Variants in PCDH7 observed in about 807,000 individuals in gnomAD.
PCDH7 encodes the protein protocadherin 7, also known as protocadherin-7.
In PCDH7, 17 loss-of-function variants were observed where a neutral mutation model predicts 58.9. The observed-to-expected ratio is 0.29, with a 90% CI of 0.20 to 0.43. The LOEUF is 0.43. Among genes scored for constraint, PCDH7 ranks in the 20% least tolerant of loss-of-function variants. PCDH7 has a pLI of 1.00. For synonymous variants in PCDH7, 664 were observed against 616.4 expected (o/e 1.08, Z -1.14); for missense variants, 1,274 against 1,441.0 (o/e 0.88, Z 1.88).
At chr4:31,066,691 A>T (rs1042055696) in intron 3 of PCDH7, among the ~76,000 whole-genome samples, 6 of 151,872 alleles carry the variant, frequency 4.0e-5, no homozygotes, top group Admixed American at 1.3e-4. Flanking sequence ...GGTTTAATAT[A>T]TTTTGGTCAT....
intron 1 of PCDH7, among the ~76,000 whole-genome samples, chr4:30,782,127 T>A (rs1222835365): frequency 1.3e-5 from 2 of 152,172 alleles, no homozygotes; most frequent in East Asian, 1.9e-4. Flanking sequence ...ATAATCATGA[T>A]AGAGTATGAT....
At chr4:30,914,260 G>T (rs1311009738) in intron 1 of PCDH7, among the ~76,000 whole-genome samples, 2 of 152,200 alleles carry the variant, frequency 1.3e-5, no homozygotes, top group Non-Finnish European at 2.9e-5. Flanking sequence ...GAGAATGATG[G>T]TACGTACAAT....
intron 1 of PCDH7, among the ~76,000 whole-genome samples, chr4:30,856,707 A>T (rs2871475): frequency 0.44 from 61,833 of 142,098 alleles, 13,718 homozygotes; most frequent in African/African-American, 0.56. Context: ...AAAAAAAAAA[A>T]ATATATATAT....
At chr4:30,887,059 A>G (rs1255798852) in intron 1 of PCDH7, among the ~76,000 whole-genome samples, 1 of 151,166 alleles carries the variant, frequency 6.6e-6, no homozygotes, top group Non-Finnish European at 1.5e-5. Context: ...GCAGCGCACC[A>G]GCATGGCACA....
rs772140100 is a variant in PCDH7, at chr4:30,722,295, G to A, written c.873G>A (p.Gln291=). The change falls in exon 1 of 2, where the codon CAG becomes CAA. Residue 291 remains glutamine, a synonymous_variant. Transcript: ENST00000361762. The surrounding 1 kb of genome is among the most constrained non-coding windows in gnomAD (Gnocchi z 7.6). ...GCGGCGACCCGCCTCGCTCCTCGCA[G>A]GCCATCCTACGGGTCCTCATCACCG... 1.0e-5 allele frequency: 16 copies of A among 1,606,346 alleles called. No homozygotes were observed. Among genetic ancestry groups the A allele is most frequent in the Non-Finnish European group, 1.4e-5 (16 of 1,177,494 alleles).
intron 3 of PCDH7, among the ~76,000 whole-genome samples, chr4:31,137,763 T>A (rs2109343958): frequency 6.6e-6 from 1 of 152,306 alleles, no homozygotes; most frequent in East Asian, 1.9e-4. Context: ...TTATCTCACA[T>A]GGCCAGCAAA....
intron 3 of PCDH7, among the ~76,000 whole-genome samples, chr4:31,090,187 A>T (rs1425037758): frequency 6.6e-6 from 1 of 151,992 alleles, no homozygotes; most frequent in East Asian, 1.9e-4. Flanking sequence ...ATGAGAGAGG[A>T]TCCTTGGAAG....
intron 3 of PCDH7, among the ~76,000 whole-genome samples, chr4:30,979,263 T>G (rs1332996269): frequency 6.7e-6 from 1 of 150,328 alleles, no homozygotes; most frequent in Admixed American, 6.6e-5. Context: ...GAGGAGGAGC[T>G]TGCAGTGAGC....
intron 2 of PCDH7, among the ~76,000 whole-genome samples, chr4:30,936,766 C>T (rs1407228223): frequency 2.0e-5 from 3 of 151,988 alleles, no homozygotes; most frequent in Admixed American, 2.0e-4. Flanking sequence ...TGGGAAGAGA[C>T]TAATAGATTT....
At position 30,814,524 on chromosome 4, in the gene PCDH7, A is replaced by G. The variant is rs143526183; in HGVS notation, c.70+89928A>G. On this transcript the variant is annotated intron_variant, in intron 1 of 3. Transcript: ENST00000509759. ...TTCTCTGAACGTTGTTGTTGGTAAT[A>G]TATTTTTACCTTTTTCTGGCCTAAG... Among the ~76,000 whole-genome samples the G allele has an allele frequency of 3.0e-3, 462 of 151,980 alleles. 3 individuals carry two copies. The highest frequency in any genetic ancestry group is 0.011 in the African/African-American group (436 of 41,468).
chr4:30,774,716 G>T (rs1471694669), intron 1 of PCDH7, among the ~76,000 whole-genome samples: 1 of 152,138 alleles, frequency 6.6e-6, no homozygotes, highest in Non-Finnish European at 1.5e-5. Flanking sequence ...TACAGTTTAT[G>T]ACAAGAAATA....
intron 3 of PCDH7, among the ~76,000 whole-genome samples, chr4:31,023,371 G>A (rs1330051113): frequency 6.6e-6 from 1 of 152,162 alleles, no homozygotes; most frequent in Non-Finnish European, 1.5e-5. Context: ...TTCTTGTCCT[G>A]ACATCTAAAG....
At position 31,099,859 on chromosome 4, in the gene PCDH7, T is replaced by A. The variant is rs535972721; in HGVS notation, c.*8-42614T>A. Reference sequence around the variant, plus strand: ...CTTCATTAGCCTTCGTAGGAATGTATTGTGGTTATATTTGCATATACCTGC... The same window carrying A: ...CTTCATTAGCCTTCGTAGGAATGTAATGTGGTTATATTTGCATATACCTGC... On this transcript the variant is annotated intron_variant, in intron 3 of 3. Transcript: ENST00000509759. 2.6e-5 allele frequency among the ~76,000 whole-genome samples: 4 copies of A among 152,266 alleles called. No individual in the cohort carries two copies. In the South Asian group the frequency reaches 8.3e-4, roughly 32 times the overall value.
intron 1 of PCDH7, among the ~76,000 whole-genome samples, chr4:30,775,377 A>G (rs1441126883): frequency 6.6e-6 from 1 of 152,216 alleles, no homozygotes; most frequent in African/African-American, 2.4e-5. Context: ...ATCTAAATAT[A>G]TACAACTTGG....
intron 1 of PCDH7, among the ~76,000 whole-genome samples, chr4:30,865,854 T>C (rs1734817116): frequency 1.3e-5 from 2 of 152,136 alleles, no homozygotes; most frequent in South Asian, 4.1e-4. Context: ...TTTTGACCCT[T>C]GAATCACATT....
chr4:31,142,613 A>G (rs1578910565), exon 4 of PCDH7: 1 of 1,367,762 alleles, frequency 7.3e-7, no homozygotes, highest in Non-Finnish European at 9.8e-7. Context: ...GTCCACTTTC[A>G]TGCCTGTTGA....
chr4:30,818,444 C>T (rs1727963125), intron 1 of PCDH7, among the ~76,000 whole-genome samples: 1 of 152,108 alleles, frequency 6.6e-6, no homozygotes, highest in African/African-American at 2.4e-5. Context: ...GTCTTCTCTC[C>T]ATAATATGGG....
chr4:30,946,773 T>C (rs1746742890), intron 2 of PCDH7, among the ~76,000 whole-genome samples: 1 of 150,812 alleles, frequency 6.6e-6, no homozygotes, highest in East Asian at 2.0e-4. Flanking sequence ...AGTGGCACGA[T>C]CTTGGCTCAC....
intron 3 of PCDH7, among the ~76,000 whole-genome samples, chr4:31,093,014 C>T (rs1713461474): frequency 6.6e-6 from 1 of 152,036 alleles, no homozygotes; most frequent in African/African-American, 2.4e-5. Context: ...ACCAGGCTGT[C>T]CCACTTCTGT....
Sources: allele counts gnomAD v4.1 joint callset (sites outside exome capture counted in the v4.1 genomes callset), GRCh38; gene constraint gnomAD v4.1.1; non-coding constraint Gnocchi (gnomAD v3.1); transcripts MANE v1.5; gene names NCBI Gene and HGNC (gene_info 2026-07-23, HGNC 2026-07-21).